Variants in FNIP1 observed in about 807,000 individuals in gnomAD.
The protein encoded by FNIP1 is folliculin-interacting protein 1.
In FNIP1, 40 loss-of-function variants were observed where a neutral mutation model predicts 124.5. The observed-to-expected ratio is 0.32, with a 90% CI of 0.25 to 0.42. The LOEUF (loss-of-function observed/expected upper bound fraction) is 0.42. FNIP1 is among the 10% of genes least tolerant of loss of function. FNIP1 has a pLI of 1.00. For missense variants in FNIP1, 1,176 were observed against 1,403.7 expected (o/e 0.84, Z 2.59); for synonymous variants, 472 against 470.6 (o/e 1.00, Z -0.04).
chr5:131,752,184 C>G (rs1381015265), intron 1 of FNIP1, among the ~76,000 whole-genome samples: 1 of 152,078 alleles, frequency 6.6e-6, no homozygotes, highest in Non-Finnish European at 1.5e-5. Flanking sequence ...GCTGGGACTA[C>G]AGGTGCCAGC....
intron 3 of FNIP1, among the ~76,000 whole-genome samples, chr5:131,728,014 C>T (rs1326012629): frequency 1.3e-5 from 2 of 152,216 alleles, no homozygotes; most frequent in Non-Finnish European, 2.9e-5. Context: ...CCCCCACTCT[C>T]TTCTGGCTTT....
intron 16 of FNIP1, among the ~76,000 whole-genome samples, chr5:131,649,014 T>C (rs924629325): frequency 6.6e-6 from 1 of 152,226 alleles, no homozygotes; most frequent in Non-Finnish European, 1.5e-5. Context: ...GCTGAATAAA[T>C]ATTGCATTGT....
intron 11 of FNIP1, among the ~76,000 whole-genome samples, chr5:131,689,433 A>G (rs1181435882): frequency 6.6e-6 from 1 of 152,214 alleles, no homozygotes; most frequent in Non-Finnish European, 1.5e-5. Flanking sequence ...TTGACCTAAT[A>G]GAAAAATAAT....
chr5:131,728,433 T>G (rs1769963414), intron 3 of FNIP1, among the ~76,000 whole-genome samples: 1 of 152,110 alleles, frequency 6.6e-6, no homozygotes, highest in Non-Finnish European at 1.5e-5. Context: ...AAGTTGATCT[T>G]CAATCTCTGA....
At chr5:131,661,609 G>C (rs937906716) in intron 15 of FNIP1, among the ~76,000 whole-genome samples, 1 of 152,034 alleles carries the variant, frequency 6.6e-6, no homozygotes, top group Non-Finnish European at 1.5e-5. Flanking sequence ...CCTCTCCCTC[G>C]CTCCCCCACA....
At chr5:131,707,150 T>C (rs1417451151) in intron 8 of FNIP1, among the ~76,000 whole-genome samples, 1 of 152,196 alleles carries the variant, frequency 6.6e-6, no homozygotes, top group Non-Finnish European at 1.5e-5. Flanking sequence ...TCCCCTGATC[T>C]TGGGGATGGA....
intron 15 of FNIP1, among the ~76,000 whole-genome samples, chr5:131,657,332 G>C (rs1767226465): frequency 2.0e-5 from 3 of 152,084 alleles, no homozygotes. Flanking sequence ...AAATCAAGAA[G>C]TACCTTGCCA....
At position 131,729,807 on chromosome 5, in the gene FNIP1, G is replaced by A. The variant is rs62383453; in HGVS notation, c.354+1097C>T. On this transcript the variant is annotated intron_variant, in intron 3 of 17. Transcript: ENST00000510461. The stretch of plus-strand genomic sequence containing the variant: ...GTTACCCAGGCTGTAGTGCAATGGC[G>A]CAATCTTGGGTCACCACAACATCCG... 2.6e-3 allele frequency among the ~76,000 whole-genome samples: 387 copies of A among 151,634 alleles called. 1 individual carries two copies. Among genetic ancestry groups the A allele is most frequent in the Non-Finnish European group, 4.1e-3 (276 of 67,888 alleles).
chr5:131,725,423 G>T (rs1163348088), intron 3 of FNIP1, among the ~76,000 whole-genome samples: 2 of 152,172 alleles, frequency 1.3e-5, no homozygotes, highest in Admixed American at 6.5e-5. Context: ...CACATACCTT[G>T]TAAGTTGGAT....
At chr5:131,750,436 C>T (rs567280901) in intron 1 of FNIP1, among the ~76,000 whole-genome samples, 6 of 151,994 alleles carry the variant, frequency 3.9e-5, no homozygotes, top group Non-Finnish European at 5.9e-5. Context: ...TATGTACCTA[C>T]TATGTGCCAA....
chr5:131,655,805 C>T (rs1268154039), intron 15 of FNIP1, among the ~76,000 whole-genome samples: 4 of 151,820 alleles, frequency 2.6e-5, no homozygotes, highest in Non-Finnish European at 5.9e-5. Context: ...GCAATCCCAG[C>T]TACTCCAGAG....
At chr5:131,704,674 A>T (rs1224340557) in intron 9 of FNIP1, among the ~76,000 whole-genome samples, 3 of 152,240 alleles carry the variant, frequency 2.0e-5, no homozygotes, top group Non-Finnish European at 4.4e-5. Context: ...AATAAAAAAG[A>T]GGAGAAAACA....
At chr5:131,749,363 T>A (rs988467321) in intron 1 of FNIP1, among the ~76,000 whole-genome samples, 8 of 151,142 alleles carry the variant, frequency 5.3e-5, no homozygotes, top group Admixed American at 5.3e-4. Context: ...AGTGAATGGA[T>A]CGCCCTATAT....
chr5:131,723,357 A>AT (rs1441856311), intron 3 of FNIP1, among the ~76,000 whole-genome samples: 1 of 152,174 alleles, frequency 6.6e-6, no homozygotes. Flanking sequence ...TTATTTATAG[A>AT]TTTTACTATT....
intron 1 of FNIP1, among the ~76,000 whole-genome samples, chr5:131,767,427 CAAAAAAAAAAAAAAAA>C (rs139550903): frequency 1.1e-4 from 7 of 63,992 alleles, no homozygotes; most frequent in Admixed American, 2.8e-4. Context: ...GATTCTGTCT[CAAAAAAAAAAAAAAAA>C]AAAAAAAAAA....
At chr5:131,774,926 T>C (rs1771753287) in intron 1 of FNIP1, among the ~76,000 whole-genome samples, 1 of 152,344 alleles carries the variant, frequency 6.6e-6, no homozygotes, top group East Asian at 1.9e-4. Context: ...GTATCTTCTA[T>C]TAATTTATAA....
In FNIP1 at chr5:131,670,688, T is replaced by C. The variant is rs1166118211; in HGVS notation, c.2940-57A>G. 55 of 967,652 alleles carry C rather than the reference T, an allele frequency of 5.7e-5. No individual in the cohort carries two copies. In the East Asian group the frequency reaches 1.7e-3, roughly 30 times the overall value. 59.9% of individuals were successfully genotyped at this position (967,652 alleles called of 1,614,324 possible). On this transcript the variant is annotated intron_variant, in intron 14 of 17. Coordinates refer to ENST00000510461, the MANE Select transcript of FNIP1 (RefSeq NM_133372.3). The stretch of plus-strand genomic sequence containing the variant: ...TTTAGTAATAAATATATTTAACCAG[T>C]AAAAAAAAAAAAAAGTGAATTCTAC...
Position 131,767,523 on chromosome 5 carries a change from A to T in FNIP1, c.93-22833T>A, listed in dbSNP as rs185833687. Reference sequence around the variant, plus strand: ...GACATCATTTTGTACCAGTTTCTATATAATTCAATTTGATCTTGTAAGCTG... The same window carrying T: ...GACATCATTTTGTACCAGTTTCTATTTAATTCAATTTGATCTTGTAAGCTG... On this transcript the variant is annotated intron_variant, in intron 1 of 17. Transcript: ENST00000510461. Among the ~76,000 whole-genome samples the T allele has an allele frequency of 3.4e-4, 52 of 151,626 alleles. No individual in the cohort carries two copies. In the Middle Eastern group the frequency reaches 0.014, roughly 40 times the overall value.
rs563728146 is a variant in FNIP1, at chr5:131,710,719, C to T, written c.623-58G>A. On this transcript the variant is annotated intron_variant, in intron 6 of 17. Coordinates refer to ENST00000510461, the MANE Select transcript of FNIP1 (RefSeq NM_133372.3). ...GAGGACTGTTAGAGAAGCCACAATG[C>T]GTCAGGGAAAAAAGGTGAGCTAAGG... 2.5e-5 allele frequency: 37 copies of T among 1,485,000 alleles called. No homozygotes were observed. The East Asian group carries it at 5.4e-4, about 22-fold the overall frequency. 92.0% of individuals were successfully genotyped at this position (1,485,000 alleles called of 1,614,324 possible). A position where few individuals can be genotyped will look rare whatever the true frequency, so the allele number is the denominator to read the frequency against.
Sources: gnomAD v4.1 joint callset for allele counts (sites outside exome capture counted in the v4.1 genomes callset) on GRCh38, gnomAD v4.1.1 for gene constraint, MANE v1.5 for transcripts, NCBI Gene and HGNC (gene_info 2026-07-23, HGNC 2026-07-21) for gene names.